ANO3: variants seen among roughly 807,000 people sequenced by gnomAD.
The protein encoded by ANO3 is anoctamin 3.
Under a neutral mutation model 144.8 loss-of-function variants are expected in ANO3, and 99 were observed. The ratio of observed to expected loss-of-function variants is 0.68; its 90% CI spans 0.58 to 0.81. The LOEUF is 0.81. Among genes scored for constraint, ANO3 ranks in the 30% least tolerant of loss-of-function variants. The pLI, the probability that ANO3 is intolerant of heterozygous loss-of-function variation, is 0.00. For synonymous variants in ANO3, 414 were observed against 392.6 expected (o/e 1.05, Z -0.64); for missense variants, 905 against 1,202.2 (o/e 0.75, Z 3.66).
At chr11:26,252,178 C>T (rs981416006) in intron 1 of ANO3, among the ~76,000 whole-genome samples, 1 of 152,020 alleles carries the variant, frequency 6.6e-6, no homozygotes, top group African/African-American at 2.4e-5. Context: ...GAAAAAGTCA[C>T]GTTATTTAAT....
intron 1 of ANO3, among the ~76,000 whole-genome samples, chr11:26,267,215 C>A (rs566672263): frequency 6.6e-6 from 1 of 152,052 alleles, no homozygotes; most frequent in Admixed American, 6.5e-5. Context: ...CCCAAAATGT[C>A]CTCAATGGTT....
At chr11:26,539,133 TACACACACACACACACACACACAC>T (rs68138224) in intron 10 of ANO3, among the ~76,000 whole-genome samples, 1 of 149,200 alleles carries the variant, frequency 6.7e-6, no homozygotes, top group Admixed American at 6.7e-5. Flanking sequence ...ACAAGAGAAA[TACACACACACACACACACACACAC>T]ACACACACAC....
chr11:26,543,316 C>T (rs1306487225), intron 11 of ANO3, among the ~76,000 whole-genome samples: 2 of 151,952 alleles, frequency 1.3e-5, no homozygotes, highest in East Asian at 3.9e-4. Flanking sequence ...ACAAACCCAT[C>T]AGGAAGCCAG....
At chr11:26,617,596 A>C (rs1852297070) in intron 17 of ANO3, among the ~76,000 whole-genome samples, 1 of 152,206 alleles carries the variant, frequency 6.6e-6, no homozygotes, top group Admixed American at 6.5e-5. Flanking sequence ...TGTTTTTCTA[A>C]ATATCTATTT....
chr11:26,455,419 A>C (rs1470678971), intron 3 of ANO3, among the ~76,000 whole-genome samples: 1 of 151,934 alleles, frequency 6.6e-6, no homozygotes. Context: ...AAGCATTCTT[A>C]TACACCAATA....
At chr11:26,336,354 C>CTG (rs1855192682) in intron 1 of ANO3, among the ~76,000 whole-genome samples, 3 of 152,148 alleles carry the variant, frequency 2.0e-5, no homozygotes, top group Admixed American at 2.0e-4. Context: ...TCAGCTAAGG[C>CTG]TGTTAAGTGA....
At chr11:26,576,875 G>T (rs912729424) in intron 14 of ANO3, among the ~76,000 whole-genome samples, 2 of 152,088 alleles carry the variant, frequency 1.3e-5, no homozygotes, top group African/African-American at 4.8e-5. Context: ...ATTGATAAAA[G>T]ATTGAATAAA....
chr11:26,299,220 A>G (rs568720361), intron 1 of ANO3, among the ~76,000 whole-genome samples: 1 of 152,308 alleles, frequency 6.6e-6, no homozygotes, highest in Non-Finnish European at 1.5e-5. Flanking sequence ...AAGAATCAAG[A>G]CACTGTGGTA....
At chr11:26,407,525 T>G (rs772637628) in intron 1 of ANO3, among the ~76,000 whole-genome samples, 44 of 152,016 alleles carry the variant, frequency 2.9e-4, no homozygotes, top group Middle Eastern at 3.4e-3. Flanking sequence ...GTCTTCTTTT[T>G]TCTAGTCCCA....
At chr11:26,523,070 G>A (rs1031214588) in intron 6 of ANO3, among the ~76,000 whole-genome samples, 1 of 152,180 alleles carries the variant, frequency 6.6e-6, no homozygotes, top group Non-Finnish European at 1.5e-5. Context: ...AATCATGGTG[G>A]AAGGGGAAGC....
intron 1 of ANO3, among the ~76,000 whole-genome samples, chr11:26,290,862 G>T (rs1853940301): frequency 6.6e-6 from 1 of 152,176 alleles, no homozygotes; most frequent in African/African-American, 2.4e-5. Context: ...AGTGCAATGT[G>T]GTGCTGAGAA....
intron 1 of ANO3, among the ~76,000 whole-genome samples, chr11:26,403,771 T>TC (rs1456574638): frequency 1.3e-5 from 2 of 151,888 alleles, no homozygotes; most frequent in African/African-American, 4.8e-5. Context: ...TCTGCCACTC[T>TC]CCTCCTGCTC....
intron 1 of ANO3, among the ~76,000 whole-genome samples, chr11:26,244,775 T>A (rs764919085): frequency 2.0e-5 from 3 of 152,202 alleles, no homozygotes; most frequent in Non-Finnish European, 2.9e-5. Context: ...GTCTCTTATG[T>A]AACTGAAATA....
intron 1 of ANO3, among the ~76,000 whole-genome samples, chr11:26,418,687 C>T (rs1212153164): frequency 6.6e-6 from 1 of 152,118 alleles, no homozygotes; most frequent in Non-Finnish European, 1.5e-5. Context: ...TCCCATTTTA[C>T]TGCTACAAAC....
At chr11:26,623,264 C>CA (rs1852474364) in intron 17 of ANO3, among the ~76,000 whole-genome samples, 1 of 152,144 alleles carries the variant, frequency 6.6e-6, no homozygotes, top group South Asian at 2.1e-4. Context: ...AAAGAACTGT[C>CA]AGAGAAGGGG....
chr11:26,435,487 G>GACAAT (rs375938117), intron 1 of ANO3, among the ~76,000 whole-genome samples: 331 of 152,282 alleles, frequency 2.2e-3, no homozygotes, highest in Non-Finnish European at 3.9e-3. Context: ...GATTTTCATG[G>GACAAT]ACAATACCCT....
intron 17 of ANO3, among the ~76,000 whole-genome samples, chr11:26,620,792 A>G (rs941954684): frequency 6.6e-6 from 1 of 152,148 alleles, no homozygotes; most frequent in African/African-American, 2.4e-5. Context: ...ATACCTGGTT[A>G]CCACTGGTTA....
intron 4 of ANO3, among the ~76,000 whole-genome samples, chr11:26,480,110 G>A (rs1237590083): frequency 6.6e-6 from 1 of 152,192 alleles, no homozygotes; most frequent in East Asian, 1.9e-4. Flanking sequence ...AGGAGTACAA[G>A]TCTGAGGACA....
chr11:26,481,411 C>T (rs1338241509), intron 4 of ANO3, among the ~76,000 whole-genome samples: 2 of 152,140 alleles, frequency 1.3e-5, no homozygotes, highest in African/African-American at 4.8e-5. Context: ...TTTTTCTTTA[C>T]AGTAGAGGTG....
Sources: gnomAD v4.1 joint callset for allele counts (sites outside exome capture counted in the v4.1 genomes callset) on GRCh38, gnomAD v4.1.1 for gene constraint, MANE v1.5 for transcripts, NCBI Gene and HGNC (gene_info 2026-07-23, HGNC 2026-07-21) for gene names.